NCKAP5: variants seen among roughly 807,000 people sequenced by gnomAD.
NCKAP5 encodes nck-associated protein 5.
Under a neutral mutation model 167.0 loss-of-function variants are expected in NCKAP5, and 92 were observed. The ratio of observed to expected loss-of-function variants is 0.55; its 90% CI spans 0.47 to 0.66. The LOEUF is 0.66. Ranked by LOEUF, NCKAP5 falls within the 30% of genes least tolerant of loss-of-function variation. The pLI is 0.00. For missense variants in NCKAP5, 2,378 were observed against 2,315.0 expected, an observed-to-expected ratio of 1.03 and a Z score of -0.56; for synonymous variants, 891 against 877.4, an observed-to-expected ratio of 1.02 and a Z score of -0.27.
At chr2:133,231,357 C>T (rs1323950150) in intron 4 of NCKAP5, among the ~76,000 whole-genome samples, 1 of 152,128 alleles carries the variant, frequency 6.6e-6, no homozygotes, top group Non-Finnish European at 1.5e-5. Flanking sequence ...AACCAATCAA[C>T]ATATTCACCC....
intron 3 of NCKAP5, among the ~76,000 whole-genome samples, chr2:133,488,182 T>C (rs1681079531): frequency 6.6e-6 from 1 of 152,242 alleles, no homozygotes. Flanking sequence ...ATTATTATTG[T>C]TAATGTTATA....
intron 6 of NCKAP5, among the ~76,000 whole-genome samples, chr2:132,996,462 T>A (rs2077602535): frequency 6.6e-6 from 1 of 152,116 alleles, no homozygotes; most frequent in Admixed American, 6.6e-5. Flanking sequence ...GAATGCCCCC[T>A]CCATTTCATC....
chr2:132,711,900 A>T (rs1382741655), intron 19 of NCKAP5, among the ~76,000 whole-genome samples: 1 of 152,184 alleles, frequency 6.6e-6, no homozygotes, highest in Non-Finnish European at 1.5e-5. Context: ...CTTTTCCAAC[A>T]TAAAGGCTCT....
At chr2:132,800,863 A>C (rs1254564126) in intron 11 of NCKAP5, among the ~76,000 whole-genome samples, 2 of 152,124 alleles carry the variant, frequency 1.3e-5, no homozygotes, top group Admixed American at 6.5e-5. Context: ...CTCCATGAAA[A>C]TGCAGGTCAA....
chr2:133,129,078 T>A (rs2082503690), intron 6 of NCKAP5, among the ~76,000 whole-genome samples: 1 of 146,476 alleles, frequency 6.8e-6, no homozygotes, highest in African/African-American at 2.6e-5. Context: ...TGAAATCTCA[T>A]CCTTTTGGCT....
At chr2:133,547,553 CA>C (rs1281778316) in intron 2 of NCKAP5, among the ~76,000 whole-genome samples, 6 of 151,866 alleles carry the variant, frequency 4.0e-5, no homozygotes, top group Admixed American at 1.3e-4. Flanking sequence ...ACTGCCTCCT[CA>C]AGTGGGTCCC....
intron 16 of NCKAP5, among the ~76,000 whole-genome samples, chr2:132,762,176 G>C (rs1029565942): frequency 1.1e-4 from 16 of 150,694 alleles, no homozygotes; most frequent in Non-Finnish European, 4.5e-5. Flanking sequence ...CTGATGTGAG[G>C]ACAAAACAAG....
At chr2:133,281,970 G>A (rs887239437) in intron 4 of NCKAP5, among the ~76,000 whole-genome samples, 2 of 152,144 alleles carry the variant, frequency 1.3e-5, no homozygotes, top group East Asian at 3.9e-4. Context: ...TGGCCAGAAC[G>A]TGTCCCATGA....
intron 3 of NCKAP5, among the ~76,000 whole-genome samples, chr2:133,345,212 C>A (rs1308563641): frequency 6.6e-6 from 1 of 152,122 alleles, no homozygotes; most frequent in Non-Finnish European, 1.5e-5. Context: ...CCCAGCCGCC[C>A]CATTGTCTGG....
intron 3 of NCKAP5, among the ~76,000 whole-genome samples, chr2:133,452,453 C>T (rs142519665): frequency 1.0e-3 from 155 of 152,238 alleles, no homozygotes; most frequent in African/African-American, 3.6e-3. Flanking sequence ...TAAATTTAGA[C>T]CTATGGCTGA....
At chr2:132,757,730 C>T (rs1329453720) in intron 16 of NCKAP5, among the ~76,000 whole-genome samples, 4 of 152,168 alleles carry the variant, frequency 2.6e-5, no homozygotes, top group African/African-American at 9.7e-5. Flanking sequence ...TGGTGACTAA[C>T]AGGAATTCTT....
At chr2:133,612,145 A>T in the NCKAP5 span, among the ~76,000 whole-genome samples, 3 of 152,198 alleles carry the variant, frequency 2.0e-5, no homozygotes, top group East Asian at 3.8e-4. Flanking sequence ...AGCTCCAATG[A>T]TGACCTTGGA....
chr2:133,433,487 A>G (rs1045375303), intron 3 of NCKAP5: 14 of 152,186 alleles, frequency 9.2e-5, no homozygotes, highest in Non-Finnish European at 2.1e-4. Context: ...TCTTAGATAG[A>G]TTACTTACAT....
At chr2:132,790,528 G>C (rs1683981045) in intron 12 of NCKAP5, among the ~76,000 whole-genome samples, 1 of 152,108 alleles carries the variant, frequency 6.6e-6, no homozygotes, top group Non-Finnish European at 1.5e-5. Flanking sequence ...ACATCAGAAT[G>C]GTTGTATGGG....
At chr2:132,816,586 G>A (rs1686292186) in intron 11 of NCKAP5, among the ~76,000 whole-genome samples, 2 of 152,110 alleles carry the variant, frequency 1.3e-5, no homozygotes, top group East Asian at 3.9e-4. Flanking sequence ...GGCCTCCTGT[G>A]ATGGTGAGCA....
chr2:133,272,147 T>C (rs2089541941), intron 4 of NCKAP5, among the ~76,000 whole-genome samples: 1 of 151,596 alleles, frequency 6.6e-6, no homozygotes, highest in African/African-American at 2.4e-5. Flanking sequence ...GAAAGGAGTA[T>C]GTAGAAGGAG....
intron 3 of NCKAP5, among the ~76,000 whole-genome samples, chr2:133,364,377 T>C (rs1417791325): frequency 3.3e-5 from 5 of 152,198 alleles, no homozygotes; most frequent in Admixed American, 6.5e-5. Flanking sequence ...TTAAAGGACT[T>C]TTTATGCTGA....
chr2:132,767,223 A>G (rs1382717422), intron 16 of NCKAP5, among the ~76,000 whole-genome samples: 1 of 152,074 alleles, frequency 6.6e-6, no homozygotes, highest in Non-Finnish European at 1.5e-5. Context: ...TATAGATCCC[A>G]AGAGTTCTTA....
chr2:132,863,943 G>C (rs1690138431), intron 10 of NCKAP5, among the ~76,000 whole-genome samples: 1 of 152,088 alleles, frequency 6.6e-6, no homozygotes, highest in African/African-American at 2.4e-5. Context: ...TGGATGGAGG[G>C]GGCAGATGGC....
Sources: gnomAD v4.1 joint callset for allele counts (sites outside exome capture counted in the v4.1 genomes callset) on GRCh38, gnomAD v4.1.1 for gene constraint, MANE v1.5 for transcripts, NCBI Gene and HGNC (gene_info 2026-07-23, HGNC 2026-07-21) for gene names.